The following PLEKHH2 variants were observed in gnomAD, a reference collection of about 807,000 sequenced individuals.
PLEKHH2 encodes pleckstrin homology domain-containing family H member 2.
PLEKHH2 carries 129 observed loss-of-function variants against 187.9 expected under a neutral mutation model. The ratio of observed to expected loss-of-function variants is 0.69; its 90% CI spans 0.59 to 0.79. The LOEUF is 0.79. Ranked by LOEUF, PLEKHH2 falls within the 30% of genes least tolerant of loss-of-function variation. The pLI, the probability that PLEKHH2 is intolerant of heterozygous loss-of-function variation, is 0.00. For synonymous variants in PLEKHH2, 686 were observed against 605.6 expected (o/e 1.13, Z -1.95); for missense variants, 2,076 against 1,751.2 (o/e 1.19, Z -3.31).
rs563760576 is a variant in PLEKHH2, at chr2:43,721,532, C to T, written c.2541+783C>T. 3.9e-5 allele frequency among the ~76,000 whole-genome samples: 6 copies of T among 152,282 alleles called. No homozygotes were observed. The South Asian group carries it at 1.2e-3, about 32-fold the overall frequency. On this transcript the variant is annotated intron_variant, in intron 16 of 29. Coordinates refer to ENST00000282406, the MANE Select transcript of PLEKHH2 (RefSeq NM_172069.4). ...GGTCTGACCAGCTGTATTTAAAATA[C>T]ATGCCGTTATACTCAGTGTTGCTAA...
intron 7 of PLEKHH2, 127 bp from the exon 8 acceptor site, chr2:43,699,520 G>A: frequency 1.7e-6 from 2 of 1,165,728 alleles, no homozygotes; most frequent in Non-Finnish European, 2.4e-6. Context: ...TGGGACTACA[G>A]GTACACACCA....
chr2:43,684,389 G>A (rs1668390182), intron 3 of PLEKHH2, among the ~76,000 whole-genome samples: 1 of 151,686 alleles, frequency 6.6e-6, no homozygotes, highest in African/African-American at 2.4e-5. Context: ...CCCATATTAT[G>A]GGAAAAAGAG....
chr2:43,668,648 A>T (rs946020402), intron 2 of PLEKHH2, among the ~76,000 whole-genome samples: 1 of 152,186 alleles, frequency 6.6e-6, no homozygotes, highest in African/African-American at 2.4e-5. Context: ...AAGTACAATG[A>T]ATGGGTCAGA....
At chr2:43,668,903 T>C (rs1254082919) in intron 2 of PLEKHH2, among the ~76,000 whole-genome samples, 1 of 152,180 alleles carries the variant, frequency 6.6e-6, no homozygotes, top group African/African-American at 2.4e-5. Context: ...GTTCCCTTGA[T>C]ACCCATCCCT....
intron 2 of PLEKHH2, chr2:43,676,069 G>A: frequency 6.2e-7 from 1 of 1,613,854 alleles, no homozygotes; most frequent in Non-Finnish European, 8.5e-7. Context: ...TTTCAGTACA[G>A]CCCAGTAACT....
intron 19 of PLEKHH2, among the ~76,000 whole-genome samples, chr2:43,734,241 G>A (rs188311984): frequency 2.9e-4 from 44 of 152,116 alleles, no homozygotes; most frequent in Middle Eastern, 3.4e-3. Flanking sequence ...CCTAACTTTG[G>A]ATTATTTTGA....
chr2:43,741,785 C>G (rs1409236691), intron 21 of PLEKHH2, among the ~76,000 whole-genome samples: 3 of 152,210 alleles, frequency 2.0e-5, no homozygotes, highest in Non-Finnish European at 4.4e-5. Flanking sequence ...GACCAAGGAT[C>G]TGCCTACAGG....
intron 3 of PLEKHH2, among the ~76,000 whole-genome samples, chr2:43,692,043 T>C (rs79447248): frequency 9.5e-4 from 144 of 152,328 alleles, no homozygotes; most frequent in African/African-American, 3.3e-3. Context: ...TAAGGTTGTT[T>C]TCCCACCCCC....
chr2:43,699,559 A>G lies in PLEKHH2; in HGVS notation c.689-88A>G, dbSNP rs577664947. ...CACCCAGCAAATTTCTACAGTGTCA[A>G]TTTCTACAGTGTAGCTACATAAAGC... is the stretch of plus-strand genomic sequence containing the variant. On this transcript the variant is annotated intron_variant, in intron 7 of 29. Transcript: ENST00000282406. The G allele has an allele frequency of 2.7e-5, 39 of 1,471,460 alleles. No individual in the cohort carries two copies. The African/African-American group carries it at 3.4e-4, about 13-fold the overall frequency. The allele number at this position is 1,471,460 out of a possible 1,614,324, so 91.2% of individuals were successfully genotyped here. A position where few individuals can be genotyped will look rare whatever the true frequency, so the allele number is the denominator to read the frequency against.
rs1246195331 is a variant in PLEKHH2 at position 43,679,027 on chromosome 2, T to C, written c.186+102T>C. The C allele has an allele frequency of 5.7e-6, 4 of 701,770 alleles. No homozygotes were observed. The Admixed American group carries it at 6.9e-5, about 12-fold the overall frequency. The allele number at this position is 701,770 out of a possible 1,614,324, so 43.5% of individuals were successfully genotyped here. ...CAATTATCAGCCCACCTCTACATCT[T>C]ATCTTTTTGACTGTTCATAGCTTGA... is the stretch of plus-strand genomic sequence containing the variant. On this transcript the variant is annotated intron_variant, in intron 3 of 29. Transcript: ENST00000282406.
chr2:43,694,639 TTTGA>T, intron 5 of PLEKHH2, 125 bp downstream of exon 5: 4 of 1,018,826 alleles, frequency 3.9e-6, no homozygotes, highest in Non-Finnish European at 5.3e-6. Context: ...ACTGCTATCT[TTTGA>T]TAAATGAGAT....
At chr2:43,728,330 G>A (rs183159855) in intron 17 of PLEKHH2, among the ~76,000 whole-genome samples, 1 of 151,372 alleles carries the variant, frequency 6.6e-6, no homozygotes, top group Non-Finnish European at 1.5e-5. Context: ...AATACAAAAA[G>A]TAGCTGGACG....
intron 3 of PLEKHH2, chr2:43,681,013 C>G: frequency 7.9e-7 from 1 of 1,258,840 alleles, no homozygotes; most frequent in Non-Finnish European, 1.1e-6. Context: ...GAAAAGTCAC[C>G]TGTTCCCTCA....
chr2:43,651,565 G>C (rs1381746595), intron 2 of PLEKHH2, among the ~76,000 whole-genome samples: 2 of 150,942 alleles, frequency 1.3e-5, no homozygotes, highest in African/African-American at 2.5e-5. Context: ...TAAGATTTTT[G>C]TGTCTTTTTT....
intron 3 of PLEKHH2, among the ~76,000 whole-genome samples, chr2:43,691,964 G>A (rs1298087827): frequency 6.6e-6 from 1 of 152,182 alleles, no homozygotes; most frequent in Non-Finnish European, 1.5e-5. Context: ...CCCTCATTGA[G>A]TGTACTCTCC....
intron 3 of PLEKHH2, among the ~76,000 whole-genome samples, chr2:43,682,444 C>T (rs1425100492): frequency 1.3e-5 from 2 of 151,868 alleles, no homozygotes; most frequent in South Asian, 2.1e-4. Context: ...GTAGCTGGGA[C>T]TATAGGCACC....
At chr2:43,660,314 G>C (rs969742112) in intron 2 of PLEKHH2, among the ~76,000 whole-genome samples, 9 of 152,028 alleles carry the variant, frequency 5.9e-5, no homozygotes, top group Non-Finnish European at 1.0e-4. Flanking sequence ...TCCAGTTTTG[G>C]CAATTACGAA....
intron 27 of PLEKHH2, among the ~76,000 whole-genome samples, chr2:43,761,716 C>T (rs1266341251): frequency 6.6e-6 from 1 of 152,030 alleles, no homozygotes; most frequent in Non-Finnish European, 1.5e-5. Flanking sequence ...CAGTCAATTT[C>T]GTAGCTTTTA....
rs1250943728 is a variant in PLEKHH2 at position 43,681,446 on chromosome 2, ATCT to A, written c.186+2527_186+2529del. On this transcript the variant is annotated intron_variant, in intron 3 of 29. Transcript: ENST00000282406. ...ATTGAATGAGTTCCTTGTCAAAATA[ATCT>A]TCTTCCTCTTCCTCTCCTTTTCCAT... 22 of 1,546,678 alleles carry A rather than the reference ATCT, an allele frequency of 1.4e-5. No individual in the cohort carries two copies. In the African/African-American group the frequency reaches 2.2e-4, roughly 15 times the overall value.
Sources: allele counts gnomAD v4.1 joint callset (sites outside exome capture counted in the v4.1 genomes callset), GRCh38; gene constraint gnomAD v4.1.1; transcripts MANE v1.5; gene names NCBI Gene and HGNC (gene_info 2026-07-23, HGNC 2026-07-21).